The following NTRK1 variants were observed in gnomAD, a reference collection of about 807,000 sequenced individuals.
The protein encoded by NTRK1 is neurotrophic receptor tyrosine kinase 1.
NTRK1 carries 62 observed loss-of-function variants against 86.8 expected under a neutral mutation model. The ratio of observed to expected loss-of-function variants is 0.71; its 90% CI spans 0.58 to 0.88. NTRK1 has a LOEUF of 0.88. NTRK1 is among the 40% of genes least tolerant of loss of function. The pLI is 0.00. For missense variants in NTRK1, 967 were observed against 1,078.4 expected (o/e 0.90, Z 1.45); for synonymous variants, 469 against 456.6 (o/e 1.03, Z -0.35).
chr1:156,867,069 C>CACACAGACACAG, intron 4 of NTRK1, 91 bp downstream of exon 4: 1 of 1,272,304 alleles, frequency 7.9e-7, no homozygotes, highest in Non-Finnish European at 1.1e-6. Flanking sequence ...GTCACTGTGT[C>CACACAGACACAG]TGTGTGACAC....
Position 156,850,530 on chromosome 1 carries a change from CA to C in NTRK1, c.50+8338del, listed in dbSNP as rs1401352954. On this transcript the variant is annotated intron_variant, in intron 2 of 16. Transcript: ENST00000392302. ...GCCCGACCTGGATGGTAATTTAAAA[CA>C]TTCTTTTTTTTTTTTTTTTTTTTTT... Among the ~76,000 whole-genome samples, 190 of 107,160 alleles carry C rather than the reference CA, an allele frequency of 1.8e-3. 2 individuals are homozygous for C. Among genetic ancestry groups the C allele is most frequent in the African/African-American group, 7.1e-3 (184 of 25,896 alleles). The allele number at this position is 107,160 out of a possible 152,430, so 70.3% of individuals were successfully genotyped here.
At chr1:156,852,128 A>G in intron 2 of NTRK1, 1 of 1,613,302 alleles carries the variant, frequency 6.2e-7, no homozygotes, top group Non-Finnish European at 8.5e-7. Context: ...GCAGCCCCCC[A>G]GGCATTCGGT....
At chr1:156,820,215 A>C (rs915198594) in intron 1 of NTRK1, among the ~76,000 whole-genome samples, 2 of 152,142 alleles carry the variant, frequency 1.3e-5, no homozygotes, top group African/African-American at 4.8e-5. Flanking sequence ...ACTCAGCACC[A>C]TTTATTGAAT....
intron 2 of NTRK1, chr1:156,845,380 G>A (rs202028545): frequency 1.3e-6 from 2 of 1,573,824 alleles, no homozygotes; most frequent in East Asian, 2.2e-5. Flanking sequence ...ACCTTTGGGG[G>A]CTCTTGTTGA....
At chr1:156,841,202 G>A in intron 1 of NTRK1, 1 of 1,049,440 alleles carries the variant, frequency 9.5e-7, no homozygotes, top group South Asian at 1.4e-5. Flanking sequence ...TGGGGATCGT[G>A]GGCCATTATG....
At chr1:156,832,089 T>C (rs575753586) in intron 1 of NTRK1, among the ~76,000 whole-genome samples, 70 of 152,326 alleles carry the variant, frequency 4.6e-4, no homozygotes, top group African/African-American at 1.6e-3. Flanking sequence ...CACCTGAGGA[T>C]TGGAGAAGTA....
chr1:156,836,836 G>A (rs567482842), intron 1 of NTRK1, among the ~76,000 whole-genome samples: 1 of 151,414 alleles, frequency 6.6e-6, no homozygotes, highest in Non-Finnish European at 1.5e-5. Flanking sequence ...ATTTCACAGG[G>A]CTGAATGAGG....
chr1:156,818,455 A>G (rs748131053), intron 1 of NTRK1, among the ~76,000 whole-genome samples: 6 of 152,150 alleles, frequency 3.9e-5, no homozygotes, highest in African/African-American at 9.7e-5. Context: ...ACTGTCCCCA[A>G]TATGTAACCT....
chr1:156,868,038 C>T (rs994820391), intron 4 of NTRK1, 66 bp from the exon 5 acceptor site: 2 of 1,589,492 alleles, frequency 1.3e-6, no homozygotes, highest in Admixed American at 1.7e-5. Context: ...CTAACTGCTC[C>T]CTCTTATCCC....
At chr1:156,822,780 G>T (rs1348790617) in intron 1 of NTRK1, among the ~76,000 whole-genome samples, 1 of 152,060 alleles carries the variant, frequency 6.6e-6, no homozygotes, top group Admixed American at 6.5e-5. Flanking sequence ...GTTGCTAAAA[G>T]GTGTAGATCC....
chr1:156,846,722 T>C, intron 2 of NTRK1: 2 of 1,614,070 alleles, frequency 1.2e-6, no homozygotes, highest in Non-Finnish European at 8.5e-7. Context: ...TCCACAAGCA[T>C]CTGGACCCAC....
intron 7 of NTRK1, among the ~76,000 whole-genome samples, chr1:156,873,043 G>GTGTGTA (rs1553262062): frequency 6.6e-6 from 1 of 151,024 alleles, no homozygotes; most frequent in Non-Finnish European, 1.5e-5. Context: ...GTGTGTGTGT[G>GTGTGTA]TGTGTGTGTG....
intron 1 of NTRK1, among the ~76,000 whole-genome samples, chr1:156,836,968 G>A (rs185030513): frequency 1.3e-5 from 2 of 152,096 alleles, no homozygotes; most frequent in African/African-American, 2.4e-5. Flanking sequence ...AGATATCCAC[G>A]CCCAGTGGTC....
At chr1:156,851,588 T>G in intron 2 of NTRK1, 1 of 1,612,500 alleles carries the variant, frequency 6.2e-7, no homozygotes, top group South Asian at 1.1e-5. Flanking sequence ...GTAAGGGTTG[T>G]GTCTGGGAGG....
Position 156,881,528 on chromosome 1 carries a change from C to T in NTRK1, c.2277C>T (p.Ile759=), listed in dbSNP as rs41436146. Residue 759 remains isoleucine (I), a synonymous_variant, in exon 17 of 17, where the codon ATC becomes ATT. Coordinates refer to ENST00000524377, the MANE Select transcript of NTRK1 (RefSeq NM_002529.4). ...CCTGCCCACCAGAGGTCTACGCCAT[C>T]ATGCGGGGCTGCTGGCAGCGGGAGC... ...PRACPPEVYA[I]MRGCWQREPQ... The T allele has an allele frequency of 6.2e-7, 1 of 1,602,756 alleles. No homozygotes were observed. The highest frequency in any genetic ancestry group is 1.1e-5 in the South Asian group (1 of 89,098).
intron 4 of NTRK1, among the ~76,000 whole-genome samples, chr1:156,867,830 T>C (rs561745811): frequency 4.2e-4 from 64 of 152,004 alleles, no homozygotes; most frequent in African/African-American, 6.0e-4. Context: ...CCCGCCACCA[T>C]GCCTGGCTAA....
chr1:156,836,465 T>C (rs1654602111), intron 1 of NTRK1, among the ~76,000 whole-genome samples: 1 of 152,198 alleles, frequency 6.6e-6, no homozygotes, highest in Non-Finnish European at 1.5e-5. Flanking sequence ...GAGGCCTTGG[T>C]GATTGACAGC....
At position 156,874,398 on chromosome 1, in the gene NTRK1, T is replaced by C. The variant is rs764543935; in HGVS notation, c.1193T>C (p.Val398Ala). 44 of 1,613,918 alleles carry C rather than the reference T, an allele frequency of 2.7e-5. No individual in the cohort carries two copies. The highest frequency in any genetic ancestry group is 3.3e-5 in the Non-Finnish European group (39 of 1,179,988). Residue 398 changes from valine to alanine, a missense_variant and splice_region_variant, in exon 9 of 17, where the codon GTG becomes GCG. Transcript: ENST00000524377. ...CCTGCTGCAGTCTCCTTCTCGCCGG[T>C]GGGTGAGTAGCCCAAGGTGGAGGGC... ...EDPIPVSFSP[V>A]DTNSTSGDPV...
At chr1:156,843,438 C>T (rs751940144) in intron 2 of NTRK1, 8 of 1,614,214 alleles carry the variant, frequency 5.0e-6, no homozygotes, top group South Asian at 3.3e-5. Context: ...ATCAGAGGCG[C>T]TGAAGTACTC....
Sources: allele counts gnomAD v4.1 joint callset (sites outside exome capture counted in the v4.1 genomes callset), GRCh38; gene constraint gnomAD v4.1.1; transcripts MANE v1.5; gene names NCBI Gene and HGNC (gene_info 2026-07-23, HGNC 2026-07-21).